The following AAK1 variants were observed in gnomAD, a reference collection of about 807,000 sequenced individuals.
AAK1 encodes AP2-associated protein kinase 1.
Under a neutral mutation model 116.0 loss-of-function variants are expected in AAK1, and 37 were observed. The ratio of observed to expected loss-of-function variants is 0.32; its 90% confidence interval spans 0.25 to 0.42. AAK1 has a LOEUF of 0.42. AAK1 is among the 10% of genes least tolerant of loss of function. The pLI is 1.00. For missense variants in AAK1, 919 were observed against 1,170.6 expected (o/e 0.79, Z 3.14); for synonymous variants, 458 against 439.9 (o/e 1.04, Z -0.51).
chr2:69,627,270 C>G (rs1408565030), intron 2 of AAK1, among the ~76,000 whole-genome samples: 1 of 144,998 alleles, frequency 6.9e-6, no homozygotes, highest in Non-Finnish European at 1.5e-5. Flanking sequence ...GCCTGGGTGA[C>G]AGAGTGAGAC....
At position 69,464,194 on chromosome 2, in the gene AAK1, A is replaced by AAACAACAACAACAAC. The variant is rs141290500; in HGVS notation, c.*11660_*11674dup. 1.6e-4 allele frequency: 24 copies of AAACAACAACAACAAC among 150,740 alleles called. No individual in the cohort carries two copies. Among genetic ancestry groups the AAACAACAACAACAAC allele is most frequent in the African/African-American group, 5.7e-4 (23 of 40,652 alleles). 9.3% of individuals were successfully genotyped at this position (150,740 alleles called of 1,614,324 possible). A position where few individuals can be genotyped will look rare whatever the true frequency, so the allele number is the denominator to read the frequency against. On this transcript the variant is annotated 3_prime_UTR_variant, in exon 22 of 22. Transcript: ENST00000409085. Reference sequence around the variant, plus strand: ...TCCTCAAAAGGCAGTAGAGATTTGGAAACAACAACAACAACAACAACAACA... The same window carrying AAACAACAACAACAAC: ...TCCTCAAAAGGCAGTAGAGATTTGGAAACAACAACAACAACAACAACAACAACAACAACAACAACA...
chr2:69,468,858 G>A lies in AAK1; in HGVS notation c.*7011C>T, dbSNP rs1381368544. ...CATCAAAATTATTTGTTAAAAAGTG[G>A]GTTTTTGGTCGAGAACCCATTTGGA... On this transcript the variant is annotated 3_prime_UTR_variant, in exon 22 of 22. Coordinates refer to ENST00000409085, the MANE Select transcript of AAK1 (RefSeq NM_014911.5). The A allele has an allele frequency of 3.0e-6, 3 of 985,318 alleles. No individual in the cohort carries two copies. The highest frequency in any genetic ancestry group is 3.6e-6 in the Non-Finnish European group (3 of 829,918). The allele number at this position is 985,318 out of a possible 1,614,324, so 61.0% of individuals were successfully genotyped here.
Position 69,470,702 on chromosome 2 carries a change from C to A in AAK1, c.*5167G>T. The A allele has an allele frequency of 1.0e-6, 1 of 985,458 alleles. No homozygotes were observed. Among genetic ancestry groups the A allele is most frequent in the South Asian group, 4.7e-5 (1 of 21,290 alleles). The allele number at this position is 985,458 out of a possible 1,614,324, so 61.0% of individuals were successfully genotyped here. A position where few individuals can be genotyped will look rare whatever the true frequency, so the allele number is the denominator to read the frequency against. On this transcript the variant is annotated 3_prime_UTR_variant, in exon 22 of 22. Coordinates refer to ENST00000409085, the MANE Select transcript of AAK1 (RefSeq NM_014911.5). ...TCTGGTCATATCCAGTGTAGGCTGGCAGGCGTCTTATTCTCCTTGAGACTA... is the reference window on the plus strand; with the variant it reads ...TCTGGTCATATCCAGTGTAGGCTGGAAGGCGTCTTATTCTCCTTGAGACTA...
rs1676297239 is a variant in AAK1 at position 69,509,146 on chromosome 2, C to T, written c.2006+85G>A. ...TGTATTTGCATTACACACATCTACACACTTATGCAAAGAATCACACACTAA... is the reference window on the plus strand; with the variant it reads ...TGTATTTGCATTACACACATCTACATACTTATGCAAAGAATCACACACTAA... On this transcript the variant is annotated intron_variant, in intron 14 of 21. Transcript: ENST00000409085. 8 of 1,135,890 alleles carry T rather than the reference C, an allele frequency of 7.0e-6. No homozygotes were observed. In the South Asian group the frequency reaches 1.1e-4, roughly 15 times the overall value. 70.4% of individuals were successfully genotyped at this position (1,135,890 alleles called of 1,614,324 possible).
chr2:69,627,715 A>C (rs1674973500), intron 2 of AAK1, among the ~76,000 whole-genome samples: 1 of 152,210 alleles, frequency 6.6e-6, no homozygotes, highest in Non-Finnish European at 1.5e-5. Flanking sequence ...TCCTCCACAC[A>C]GTCTCCTTAT....
At chr2:69,479,961 G>A (rs1013649501) in intron 19 of AAK1, among the ~76,000 whole-genome samples, 6 of 151,988 alleles carry the variant, frequency 3.9e-5, no homozygotes, top group Non-Finnish European at 8.8e-5. Context: ...CTCCATGTTG[G>A]TCAGGCTGGT....
chr2:69,583,770 C>T (rs1672643856), intron 2 of AAK1, among the ~76,000 whole-genome samples: 1 of 152,176 alleles, frequency 6.6e-6, no homozygotes, highest in South Asian at 2.1e-4. Context: ...TCACTAGGTG[C>T]CATGAGCATT....
chr2:69,458,093 A>T lies in AAK1; in HGVS notation c.*17776T>A, dbSNP rs189831380. ...GATACATACGATAAATCACACCGAG[A>T]GTGCAATAACATAAATCCAATGGTC... On this transcript the variant is annotated 3_prime_UTR_variant, in exon 22 of 22. Transcript: ENST00000409085. 4 of 152,266 alleles carry T rather than the reference A, an allele frequency of 2.6e-5. No individual in the cohort carries two copies. In the East Asian group the frequency reaches 7.7e-4, roughly 29 times the overall value. 9.4% of individuals were successfully genotyped at this position (152,266 alleles called of 1,614,324 possible).
intron 3 of AAK1, among the ~76,000 whole-genome samples, chr2:69,553,626 T>C (rs1482084616): frequency 6.6e-6 from 1 of 151,628 alleles, no homozygotes; most frequent in Non-Finnish European, 1.5e-5. Context: ...GTATTTTTAG[T>C]AGACAAGGGT....
chr2:69,482,631 T>G, intron 18 of AAK1, 80 bp downstream of exon 18: 1 of 1,150,384 alleles, frequency 8.7e-7, no homozygotes, highest in Non-Finnish European at 1.3e-6. Flanking sequence ...TCCCCAGGGA[T>G]TGGTTAACTA....
At position 69,470,194 on chromosome 2, in the gene AAK1, CA is replaced by C. The variant is rs1311934391; in HGVS notation, c.*5674del. The C allele has an allele frequency of 1.3e-5, 13 of 985,296 alleles. No individual in the cohort carries two copies. The highest frequency in any genetic ancestry group is 1.4e-5 in the Non-Finnish European group (12 of 829,920). The allele number at this position is 985,296 out of a possible 1,614,324, so 61.0% of individuals were successfully genotyped here. A position where few individuals can be genotyped will look rare whatever the true frequency, so the allele number is the denominator to read the frequency against. ...ATACCAAAAACTGAAAGAACGGTTA[CA>C]GGGAGTATCAAAGATATGATTCTTG... On this transcript the variant is annotated 3_prime_UTR_variant, in exon 22 of 22. Transcript: ENST00000409085.
chr2:69,622,407 C>A (rs577003890), intron 2 of AAK1, among the ~76,000 whole-genome samples: 10 of 152,336 alleles, frequency 6.6e-5, no homozygotes, highest in African/African-American at 1.9e-4. Flanking sequence ...ATCAACTGCC[C>A]AAGGGCTGAG....
intron 2 of AAK1, among the ~76,000 whole-genome samples, chr2:69,610,305 T>A (rs1674022295): frequency 6.6e-6 from 1 of 152,006 alleles, no homozygotes; most frequent in South Asian, 2.1e-4. Context: ...GATACCCACA[T>A]GCAAAAAAAG....
Position 69,643,288 on chromosome 2 carries a change from G to A in AAK1, c.-234-14C>T, listed in dbSNP as rs1675831748. ...GTAAGTTTAAACCTGTGATGACAGA[G>A]GAAGAAAGAGAGGATGAATCAGTAA... On this transcript the variant is annotated splice_polypyrimidine_tract_variant and intron_variant, in intron 1 of 21. Transcript: ENST00000409085. 4 of 1,372,844 alleles carry A rather than the reference G, an allele frequency of 2.9e-6. No homozygotes were observed. Among genetic ancestry groups the A allele is most frequent in the African/African-American group, 1.5e-5 (1 of 67,622 alleles). The allele number at this position is 1,372,844 out of a possible 1,614,324, so 85.0% of individuals were successfully genotyped here.
chr2:69,614,276 A>G (rs1674217638), intron 2 of AAK1, among the ~76,000 whole-genome samples: 3 of 152,216 alleles, frequency 2.0e-5, no homozygotes, highest in Admixed American at 2.0e-4. Flanking sequence ...GGCTGAAAAC[A>G]AAGGCAAGGA....
At chr2:69,582,586 C>T (rs1239163653) in intron 2 of AAK1, among the ~76,000 whole-genome samples, 4 of 152,182 alleles carry the variant, frequency 2.6e-5, no homozygotes, top group Admixed American at 6.5e-5. Context: ...GGGGTGAGGG[C>T]GGAACATCAT....
At chr2:69,600,644 G>T (rs933862029) in intron 2 of AAK1, among the ~76,000 whole-genome samples, 13 of 152,202 alleles carry the variant, frequency 8.5e-5, no homozygotes, top group African/African-American at 2.9e-4. Context: ...CGGTGAAGAT[G>T]CTGTGAACAT....
intron 15 of AAK1, 71 bp from the exon 16 acceptor site, chr2:69,505,744 A>C: frequency 8.3e-7 from 1 of 1,204,504 alleles, no homozygotes; most frequent in Non-Finnish European, 1.2e-6. Flanking sequence ...GGCAGAGGTA[A>C]GGGGCATTCT....
chr2:69,554,327 T>G (rs754033038), intron 3 of AAK1, among the ~76,000 whole-genome samples: 7 of 152,026 alleles, frequency 4.6e-5, no homozygotes, highest in Non-Finnish European at 8.8e-5. Context: ...TTTACACAAC[T>G]TAAGGAAAAT....
Sources: allele counts gnomAD v4.1 joint callset (sites outside exome capture counted in the v4.1 genomes callset), GRCh38; gene constraint gnomAD v4.1.1; transcripts MANE v1.5; gene names NCBI Gene and HGNC (gene_info 2026-07-23, HGNC 2026-07-21).